EFHD1: variants seen among roughly 807,000 people sequenced by gnomAD.
EFHD1 encodes the protein EF-hand domain family member D1, also known as EF-hand domain-containing protein D1.
EFHD1 carries 10 observed loss-of-function variants against 17.2 expected under a neutral mutation model. The ratio of observed to expected loss-of-function variants is 0.58; its 90% CI spans 0.36 to 0.99. EFHD1 has a LOEUF of 0.99. Ranked by LOEUF, EFHD1 falls within the 50% of genes least tolerant of loss-of-function variation. The pLI, the probability that EFHD1 is intolerant of heterozygous loss-of-function variation, is 0.01. For synonymous variants in EFHD1, 153 were observed against 142.0 expected (o/e 1.08, Z -0.55); for missense variants, 310 against 327.5 (o/e 0.95, Z 0.41).
chr2:232,615,782 G>A (rs1343792837), intron 1 of EFHD1, among the ~76,000 whole-genome samples: 1 of 150,676 alleles, frequency 6.6e-6, no homozygotes, highest in Non-Finnish European at 1.5e-5. Flanking sequence ...CCACCTCTCG[G>A]GCTCAAGTGA....
At chr2:232,653,068 A>G (rs1453939669) in intron 1 of EFHD1, among the ~76,000 whole-genome samples, 3 of 152,014 alleles carry the variant, frequency 2.0e-5, no homozygotes, top group Non-Finnish European at 2.9e-5. Context: ...ATCTCGGCTC[A>G]CTGCAACCTC....
chr2:232,662,757 AC>A (rs774298634), intron 1 of EFHD1, 44 bp from the exon 2 acceptor site: 1 of 1,551,540 alleles, frequency 6.4e-7, no homozygotes, highest in South Asian at 1.2e-5. Flanking sequence ...TCGGAGACTA[AC>A]GAGTGTCCTT....
intron 2 of EFHD1, among the ~76,000 whole-genome samples, chr2:232,665,989 C>T (rs751465427): frequency 2.0e-5 from 3 of 152,180 alleles, no homozygotes; most frequent in African/African-American, 7.2e-5. Flanking sequence ...ACCCAACTAG[C>T]GCCCTGGTTT....
intron 1 of EFHD1, among the ~76,000 whole-genome samples, chr2:232,636,894 T>C (rs143026270): frequency 2.1e-4 from 32 of 152,312 alleles, no homozygotes; most frequent in African/African-American, 7.7e-4. Flanking sequence ...GAGTCCACTT[T>C]ATCTTTTGAA....
At chr2:232,651,250 G>T (rs2106204276) in intron 1 of EFHD1, among the ~76,000 whole-genome samples, 1 of 152,324 alleles carries the variant, frequency 6.6e-6, no homozygotes, top group Middle Eastern at 3.4e-3. Context: ...CCAGGGGAGG[G>T]GTGCCAGGCG....
At chr2:232,658,938 A>C (rs996562088) in intron 1 of EFHD1, among the ~76,000 whole-genome samples, 9 of 152,138 alleles carry the variant, frequency 5.9e-5, no homozygotes. Flanking sequence ...AACTTAGAAA[A>C]CAGGGAAGTG....
At chr2:232,657,899 C>CTTTTTTTTTTT (rs1194396166) in intron 1 of EFHD1, among the ~76,000 whole-genome samples, 5 of 100,652 alleles carry the variant, frequency 5.0e-5, no homozygotes, top group Admixed American at 2.5e-4. Context: ...TCTTTCTTTT[C>CTTTTTTTTTTT]TTTTTTTTTT....
chr2:232,637,261 A>G (rs1213308927), intron 1 of EFHD1, among the ~76,000 whole-genome samples: 2 of 150,822 alleles, frequency 1.3e-5, no homozygotes, highest in African/African-American at 2.4e-5. Flanking sequence ...TTCTTGTGGT[A>G]TGGGCGCATC....
Position 232,681,861 on chromosome 2 carries a change from C to T in EFHD1, c.*142C>T. 1.5e-6 allele frequency: 2 copies of T among 1,318,158 alleles called. No homozygotes were observed. The highest frequency in any genetic ancestry group is 2.0e-6 in the Non-Finnish European group (2 of 988,746). The allele number at this position is 1,318,158 out of a possible 1,614,324, so 81.7% of individuals were successfully genotyped here. Reference sequence around the variant, plus strand: ...CACCCCGTGCCAGCTCCCGTGCCAGCCTTCATTCCTCCCAGTGTCCAAGCC... The same window carrying T: ...CACCCCGTGCCAGCTCCCGTGCCAGTCTTCATTCCTCCCAGTGTCCAAGCC... On this transcript the variant is annotated 3_prime_UTR_variant, in exon 4 of 4. Transcript: ENST00000264059.
intron 1 of EFHD1, chr2:232,611,914 G>C (rs948692935): frequency 3.3e-5 from 5 of 152,286 alleles, no homozygotes; most frequent in African/African-American, 1.2e-4. Context: ...GGTAGCAGGG[G>C]GTTAGGTGTC....
intron 1 of EFHD1, among the ~76,000 whole-genome samples, chr2:232,610,569 C>A (rs1021704781): frequency 6.6e-6 from 1 of 150,874 alleles, no homozygotes; most frequent in African/African-American, 2.4e-5. Context: ...GACTCCGTCC[C>A]CCCGCCCCGA....
chr2:232,644,882 T>C (rs1694499044), intron 1 of EFHD1, among the ~76,000 whole-genome samples: 1 of 147,950 alleles, frequency 6.8e-6, no homozygotes, highest in African/African-American at 2.5e-5. Flanking sequence ...CCTCAGGTGA[T>C]CCGCCCACCT....
intron 1 of EFHD1, 63 bp from the exon 2 acceptor site, chr2:232,662,739 T>C: frequency 6.5e-7 from 1 of 1,541,664 alleles, no homozygotes; most frequent in Non-Finnish European, 8.7e-7. Flanking sequence ...CCAAAGGAAT[T>C]ACATGTTTCG....
intron 1 of EFHD1, among the ~76,000 whole-genome samples, chr2:232,634,251 C>T (rs1348467009): frequency 1.3e-5 from 2 of 152,012 alleles, no homozygotes; most frequent in African/African-American, 4.8e-5. Flanking sequence ...CGGCGGCTGC[C>T]GGGCCCGAGT....
intron 1 of EFHD1, among the ~76,000 whole-genome samples, chr2:232,654,485 A>G (rs1694723249): frequency 7.0e-6 from 1 of 143,762 alleles, no homozygotes; most frequent in African/African-American, 2.6e-5. Context: ...CAGTGGCACA[A>G]TCTTGGCTCA....
chr2:232,632,959 G>T (rs545416630), upstream of EFHD1, among the ~76,000 whole-genome samples: 39 of 152,386 alleles, frequency 2.6e-4, no homozygotes, highest in African/African-American at 8.9e-4. Context: ...AAAAAAACCC[G>T]AGTCCCTGAA....
At chr2:232,614,505 G>A (rs1693886580) in intron 1 of EFHD1, among the ~76,000 whole-genome samples, 1 of 152,114 alleles carries the variant, frequency 6.6e-6, no homozygotes, top group African/African-American at 2.4e-5. Context: ...ATAACGTTTT[G>A]TCTTCTGTAG....
At chr2:232,652,805 T>A (rs1694684272) in intron 1 of EFHD1, among the ~76,000 whole-genome samples, 1 of 151,966 alleles carries the variant, frequency 6.6e-6, no homozygotes, top group Non-Finnish European at 1.5e-5. Flanking sequence ...AGATGTGAGG[T>A]TTTTCCTGCC....
At position 232,609,686 on chromosome 2, in the gene EFHD1, T is replaced by G. The variant is rs532557965; in HGVS notation, c.14+3513T>G. ...TCTTCCACTCCCAAAGGCCTCCTGC[T>G]CCTTCACCTTCAGCCCAGCCCAGGC... On this transcript the variant is annotated intron_variant, in intron 1 of 3. Transcript: ENST00000409613. Among the ~76,000 whole-genome samples the G allele has an allele frequency of 2.6e-5, 4 of 152,210 alleles. No individual in the cohort carries two copies. In the East Asian group the frequency reaches 7.7e-4, roughly 29 times the overall value.
Sources: allele counts gnomAD v4.1 joint callset (sites outside exome capture counted in the v4.1 genomes callset), GRCh38; gene constraint gnomAD v4.1.1; transcripts MANE v1.5; gene names NCBI Gene and HGNC (gene_info 2026-07-23, HGNC 2026-07-21).